Variants in TTC23 observed in about 807,000 individuals in gnomAD.
TTC23 encodes the protein tetratricopeptide repeat protein 23.
A neutral mutation model predicts 55.1 loss-of-function variants in TTC23; 58 were observed. The ratio of observed to expected loss-of-function variants is 1.05; its 90% CI spans 0.85 to 1.31. The LOEUF is 1.31. Among genes scored for constraint, TTC23 ranks in the 50% most tolerant of loss-of-function variants. TTC23 has a pLI of 0.00. For missense variants in TTC23, 516 were observed against 534.4 expected, an observed-to-expected ratio of 0.97 and a Z score of 0.34; for synonymous variants, 203 against 199.9, an observed-to-expected ratio of 1.02 and a Z score of -0.13.
At chr15:99,203,255 C>A (rs1005400847) in intron 8 of TTC23, among the ~76,000 whole-genome samples, 1 of 151,784 alleles carries the variant, frequency 6.6e-6, no homozygotes, top group Non-Finnish European at 1.5e-5. Flanking sequence ...TAAATAAAAA[C>A]AAAAGATATA....
chr15:99,218,896 A>G lies in TTC23; in HGVS notation c.455+2T>C, dbSNP rs370447505. ...TTGTAAAAGTTAGAGGCAAAAGGAT[A>G]CTTTTGAAGGGAGAGTAAAGCTCTG... On this transcript the variant is annotated splice_donor_variant, in intron 7 of 13. Transcript: ENST00000394132. LOFTEE classifies it high-confidence loss of function. 4.3e-6 allele frequency: 7 copies of G among 1,609,904 alleles called. No individual in the cohort carries two copies. Among genetic ancestry groups the G allele is most frequent in the Non-Finnish European group, 5.9e-6 (7 of 1,178,056 alleles).
intron 12 of TTC23, among the ~76,000 whole-genome samples, chr15:99,153,861 A>G (rs1670219): frequency 0.42 from 63,501 of 152,062 alleles, 14,169 homozygotes; most frequent in African/African-American, 0.59. Context: ...AAGGAAAAAG[A>G]GAGAAAACCC....
chr15:99,218,778 T>TA, intron 7 of TTC23, 65 bp from the exon 8 acceptor site: 1 of 1,606,846 alleles, frequency 6.2e-7, no homozygotes, highest in Non-Finnish European at 8.5e-7. Flanking sequence ...CTGAACTTCC[T>TA]TGGCTCCCAT....
At chr15:99,169,834 C>T (rs1435208178) in intron 10 of TTC23, among the ~76,000 whole-genome samples, 1 of 152,138 alleles carries the variant, frequency 6.6e-6, no homozygotes, top group African/African-American at 2.4e-5. Flanking sequence ...ACTTAGTCAG[C>T]CCCTGCTCCC....
intron 10 of TTC23, among the ~76,000 whole-genome samples, chr15:99,170,335 C>T (rs1039402394): frequency 2.0e-5 from 3 of 152,108 alleles, no homozygotes; most frequent in Admixed American, 6.5e-5. Flanking sequence ...ATGGGCATTT[C>T]GCACGCAAGC....
chr15:99,248,789 T>A (rs1453501072), intron 1 of TTC23, among the ~76,000 whole-genome samples: 1 of 152,178 alleles, frequency 6.6e-6, no homozygotes, highest in African/African-American at 2.4e-5. Context: ...CTTGATAAAT[T>A]CTTTTGTATT....
chr15:99,155,264 G>C (rs1399245129), intron 12 of TTC23: 2 of 152,112 alleles, frequency 1.3e-5, no homozygotes, highest in Admixed American at 1.3e-4. Context: ...CCTATATGAA[G>C]AACGCTTTTG....
intron 12 of TTC23, among the ~76,000 whole-genome samples, chr15:99,150,136 C>T (rs1031719114): frequency 2.0e-5 from 3 of 152,220 alleles, no homozygotes; most frequent in Admixed American, 1.3e-4. Context: ...AAAAGCTTCC[C>T]AGCGGCCTGC....
At chr15:99,211,094 G>T (rs1456336519) in intron 8 of TTC23, among the ~76,000 whole-genome samples, 2 of 152,176 alleles carry the variant, frequency 1.3e-5, no homozygotes. Flanking sequence ...GAATATACAG[G>T]TTGGGTGCAG....
At chr15:99,199,543 T>A (rs2076031400) in intron 9 of TTC23, among the ~76,000 whole-genome samples, 1 of 151,808 alleles carries the variant, frequency 6.6e-6, no homozygotes, top group South Asian at 2.1e-4. Flanking sequence ...CACTGAGGAA[T>A]CTTATAAAGT....
intron 12 of TTC23, among the ~76,000 whole-genome samples, chr15:99,141,447 T>C (rs1289234368): frequency 6.6e-6 from 1 of 152,122 alleles, no homozygotes; most frequent in Non-Finnish European, 1.5e-5. Context: ...ATGGGGTAGG[T>C]ATAGAGGGGA....
intron 12 of TTC23, 77 bp downstream of exon 12, chr15:99,156,068 AACC>A (rs772931000): frequency 3.6e-5 from 56 of 1,576,808 alleles, no homozygotes; most frequent in Non-Finnish European, 4.8e-5. Context: ...CATTTAAAAG[AACC>A]ACCACAAGGG....
chr15:99,136,554 A>T lies in TTC23; in HGVS notation c.*1456T>A, dbSNP rs1009183388. 2.6e-5 allele frequency: 4 copies of T among 152,146 alleles called. No individual in the cohort carries two copies. Among genetic ancestry groups the T allele is most frequent in the Non-Finnish European group, 5.9e-5 (4 of 68,044 alleles). The allele number at this position is 152,146 out of a possible 1,614,324, so 9.4% of individuals were successfully genotyped here. A position where few individuals can be genotyped will look rare whatever the true frequency, so the allele number is the denominator to read the frequency against. ...TCCTCACATGGTGGAGAGAGAGATC[A>T]TCTCTCTGGTGTCTCTCCTTATAAA... is the stretch of plus-strand genomic sequence containing the variant. On this transcript the variant is annotated 3_prime_UTR_variant, in exon 14 of 14. Coordinates refer to ENST00000394132, the MANE Select transcript of TTC23 (RefSeq NM_001288615.3).
At chr15:99,241,089 G>A (rs1208047803) in intron 3 of TTC23, among the ~76,000 whole-genome samples, 1 of 152,162 alleles carries the variant, frequency 6.6e-6, no homozygotes, top group Non-Finnish European at 1.5e-5. Flanking sequence ...GGCTAAGGCT[G>A]GCAGATCACC....
intron 8 of TTC23, among the ~76,000 whole-genome samples, chr15:99,218,326 G>C (rs541038593): frequency 4.6e-5 from 7 of 152,294 alleles, no homozygotes; most frequent in African/African-American, 1.7e-4. Flanking sequence ...TGAGGAGGGA[G>C]AGCAGGTAAA....
At chr15:99,166,196 C>T (rs2072054283) in intron 10 of TTC23, among the ~76,000 whole-genome samples, 2 of 152,162 alleles carry the variant, frequency 1.3e-5, no homozygotes, top group African/African-American at 4.8e-5. Flanking sequence ...GGGTAGGAGC[C>T]GATCTCCCTG....
At chr15:99,217,411 C>G (rs577645716) in intron 8 of TTC23, among the ~76,000 whole-genome samples, 5 of 152,172 alleles carry the variant, frequency 3.3e-5, no homozygotes, top group African/African-American at 1.2e-4. Context: ...CCTGCCTCAG[C>G]CTCCCAAAGT....
intron 9 of TTC23, among the ~76,000 whole-genome samples, chr15:99,178,717 C>G (rs2151940256): frequency 6.6e-6 from 1 of 152,262 alleles, no homozygotes; most frequent in East Asian, 1.9e-4. Context: ...CATCATTTCC[C>G]AAGATTTCAG....
intron 4 of TTC23, among the ~76,000 whole-genome samples, chr15:99,233,593 C>T (rs1423645974): frequency 6.6e-6 from 1 of 152,170 alleles, no homozygotes; most frequent in East Asian, 1.9e-4. Flanking sequence ...AATTATACTT[C>T]CTCAATCTGA....
Sources: allele counts gnomAD v4.1 joint callset (sites outside exome capture counted in the v4.1 genomes callset), GRCh38; gene constraint gnomAD v4.1.1; transcripts MANE v1.5; gene names NCBI Gene and HGNC (gene_info 2026-07-23, HGNC 2026-07-21).